The following EEF2KMT variants were observed in gnomAD, a reference collection of about 807,000 sequenced individuals.
EEF2KMT encodes eukaryotic elongation factor 2 lysine methyltransferase, also known as protein-lysine N-methyltransferase EEF2KMT.
Under a neutral mutation model 35.1 loss-of-function variants are expected in EEF2KMT, and 30 were observed. The observed-to-expected ratio is 0.85, with a 90% CI of 0.64 to 1.16. EEF2KMT has a LOEUF of 1.16. Ranked by LOEUF, EEF2KMT falls within the 50% of genes most tolerant of loss-of-function variation. The pLI, the probability that EEF2KMT is intolerant of heterozygous loss-of-function variation, is 0.00. For missense variants in EEF2KMT, 499 were observed against 438.2 expected (o/e 1.14, Z -1.24); for synonymous variants, 190 against 187.7 (o/e 1.01, Z -0.10).
Position 5,097,751 on chromosome 16 carries a change from G to T in EEF2KMT, c.-12C>A, listed in dbSNP as rs572933292. The T allele has an allele frequency of 3.2e-6, 5 of 1,551,384 alleles. No individual in the cohort carries two copies. The highest frequency in any genetic ancestry group is 4.3e-6 in the Non-Finnish European group (5 of 1,154,344). The stretch of plus-strand genomic sequence containing the variant: ...TCCTCGGGCGCCATGACGTGGGCGG[G>T]GCCGCAGCGTTGCCGGCAGACCGGG... On this transcript the variant is annotated 5_prime_UTR_variant, in exon 1 of 8. Coordinates refer to ENST00000427587, the MANE Select transcript of EEF2KMT (RefSeq NM_201400.4).
chr16:5,088,266 G>C (rs1302514329), intron 7 of EEF2KMT, among the ~76,000 whole-genome samples: 1 of 150,882 alleles, frequency 6.6e-6, no homozygotes, highest in Non-Finnish European at 1.5e-5. Context: ...GTTGTGGGGG[G>C]ACTCTGTCGT....
At chr16:5,089,000 T>C in intron 7 of EEF2KMT, 107 bp downstream of exon 7, 1 of 1,595,492 alleles carries the variant, frequency 6.3e-7, no homozygotes, top group African/African-American at 1.3e-5. Context: ...GGTGTGGGAG[T>C]GTGGGGCAAC....
Position 5,089,092 on chromosome 16 carries a change from G to A in EEF2KMT, c.892+15C>T, listed in dbSNP as rs759187495. On this transcript the variant is annotated intron_variant, in intron 7 of 7. Transcript: ENST00000427587. ...CTCAGGGACCATGCAGGCCCGGGTGGGCGTGGAGGCTCACCTAGCTCGGTG... is the reference window on the plus strand; with the variant it reads ...CTCAGGGACCATGCAGGCCCGGGTGAGCGTGGAGGCTCACCTAGCTCGGTG... 2 of 1,612,232 alleles carry A rather than the reference G, an allele frequency of 1.2e-6. No homozygotes were observed. The highest frequency in any genetic ancestry group is 1.1e-5 in the South Asian group (1 of 91,024).
intron 6 of EEF2KMT, chr16:5,089,519 G>A (rs569890832): frequency 8.2e-4 from 469 of 570,712 alleles, no homozygotes; most frequent in Non-Finnish European, 1.3e-3. Context: ...CTGGTTCTTG[G>A]CCTATCTAGA....
chr16:5,084,870 A>C lies in EEF2KMT; in HGVS notation c.*762T>G. 1 of 1,595,496 alleles carries C rather than the reference A, an allele frequency of 6.3e-7. No homozygotes were observed. Among genetic ancestry groups the C allele is most frequent in the South Asian group, 1.1e-5 (1 of 90,968 alleles). On this transcript the variant is annotated 3_prime_UTR_variant, in exon 8 of 8. Coordinates refer to ENST00000427587, the MANE Select transcript of EEF2KMT (RefSeq NM_201400.4). ...GGTGCAGACTGTGCTCCCTTTGGTT[A>C]TGGACACATAACTCCTGGGCCAGAG...
rs115226888 is a variant in EEF2KMT, at chr16:5,091,591, C to G, written c.342+203G>C. On this transcript the variant is annotated intron_variant, in intron 4 of 7. Coordinates refer to ENST00000427587, the MANE Select transcript of EEF2KMT (RefSeq NM_201400.4). ...TGTGTGTCACCTATTGGATAAGTGC[C>G]CAACAACTCCACGAGACATGCTGTT... Among the ~76,000 whole-genome samples, 780 of 152,282 alleles carry G rather than the reference C, an allele frequency of 5.1e-3. 7 individuals carry two copies. Among genetic ancestry groups the G allele is most frequent in the African/African-American group, 0.018 (745 of 41,540 alleles).
chr16:5,093,649 C>T (rs1015155345), intron 2 of EEF2KMT, 85 bp from the exon 3 acceptor site: 40 of 1,591,672 alleles, frequency 2.5e-5, no homozygotes, highest in Non-Finnish European at 3.3e-5. Flanking sequence ...AGAGGGCAAA[C>T]TCCAGGCTAC....
intron 2 of EEF2KMT, among the ~76,000 whole-genome samples, chr16:5,094,896 A>T (rs1216451287): frequency 1.3e-5 from 2 of 152,132 alleles, no homozygotes; most frequent in Non-Finnish European, 2.9e-5. Flanking sequence ...TGGTCTTTTC[A>T]GAAGGGCTCA....
At chr16:5,091,553 G>A (rs183047223) in intron 4 of EEF2KMT, among the ~76,000 whole-genome samples, 181 of 152,372 alleles carry the variant, frequency 1.2e-3, no homozygotes, top group African/African-American at 4.2e-3. Context: ...CCAGGTCCTT[G>A]TGAAGCAGGT....
Position 5,090,649 on chromosome 16 carries a change from A to C in EEF2KMT, c.343-84T>G. ...GACAAGTAGCCCCACCACATGGCTG[A>C]ATAAACCATGACAGGACCAATCGCC... On this transcript the variant is annotated intron_variant, in intron 4 of 7. Coordinates refer to ENST00000427587, the MANE Select transcript of EEF2KMT (RefSeq NM_201400.4). The surrounding 1 kb of genome is among the most constrained non-coding windows in gnomAD (Gnocchi z 4.1). 1.3e-6 allele frequency: 2 copies of C among 1,569,594 alleles called. No homozygotes were observed. The highest frequency in any genetic ancestry group is 1.7e-5 in the Admixed American group (1 of 58,508).
intron 1 of EEF2KMT, chr16:5,097,175 C>T: frequency 1.4e-6 from 1 of 709,246 alleles, no homozygotes; most frequent in Non-Finnish European, 1.9e-6. Flanking sequence ...GTGACAGCCT[C>T]AGAGCATGAG....
In EEF2KMT at chr16:5,085,695, A is replaced by C. The variant is rs1301894696; in HGVS notation, c.930T>G (p.His310Gln). 6.2e-7 allele frequency: 1 copy of C among 1,611,798 alleles called. No individual in the cohort carries two copies. The highest frequency in any genetic ancestry group is 1.1e-5 in the South Asian group (1 of 90,998). Residue 310 changes from histidine (H) to glutamine (Q), a missense_variant, in exon 8 of 8, where the codon CAT becomes CAG. By Grantham distance (24) the His-to-Gln change is conservative (BLOSUM62 0). Coordinates refer to ENST00000427587, the MANE Select transcript of EEF2KMT (RefSeq NM_201400.4). ...CTTCGTAGGGAAACAGTTTCTGCTC[A>C]TGACGAGGTTCCACTTCCCATCTGA... ...AGIRWEVEPR[H>Q]EQKLFPYEEH...
intron 2 of EEF2KMT, among the ~76,000 whole-genome samples, chr16:5,094,971 C>A (rs999955734): frequency 6.6e-6 from 1 of 152,214 alleles, no homozygotes; most frequent in African/African-American, 2.4e-5. Flanking sequence ...AGGCCAAGGT[C>A]AGGCTGTGGC....
chr16:5,097,373 T>G (rs948992517), intron 1 of EEF2KMT: 4 of 1,480,310 alleles, frequency 2.7e-6, no homozygotes, highest in Admixed American at 2.1e-5. Context: ...GTCGTGAAAA[T>G]GATCGTGAAC....
chr16:5,086,362 CCACACACACACCCACA>C, intron 7 of EEF2KMT: 1 of 152,138 alleles, frequency 6.6e-6, no homozygotes, highest in South Asian at 2.1e-4. Context: ...ACCACACGCA[CCACACACACACCCACA>C]CACACACACA....
In EEF2KMT at chr16:5,084,371, T is replaced by C; in HGVS notation, c.*1261A>G. The C allele has an allele frequency of 2.4e-6, 1 of 412,698 alleles. No individual in the cohort carries two copies. The highest frequency in any genetic ancestry group is 4.6e-6 in the Non-Finnish European group (1 of 219,490). 25.6% of individuals were successfully genotyped at this position (412,698 alleles called of 1,614,324 possible). On this transcript the variant is annotated 3_prime_UTR_variant, in exon 8 of 8. Coordinates refer to ENST00000427587, the MANE Select transcript of EEF2KMT (RefSeq NM_201400.4). ...TGGATTTGGCCTGCAGGCTGTAGTTTGTGATCCTTGATTCAGACAGTTTAG... is the reference window on the plus strand; with the variant it reads ...TGGATTTGGCCTGCAGGCTGTAGTTCGTGATCCTTGATTCAGACAGTTTAG...
intron 1 of EEF2KMT, chr16:5,097,431 C>A (rs1323388749): frequency 7.1e-7 from 1 of 1,406,476 alleles, no homozygotes; most frequent in African/African-American, 1.5e-5. Flanking sequence ...TGTGGAGACG[C>A]CCCCAGCTTC....
intron 4 of EEF2KMT, 107 bp downstream of exon 4, chr16:5,091,687 A>G: frequency 6.5e-7 from 1 of 1,544,210 alleles, no homozygotes; most frequent in Non-Finnish European, 8.7e-7. Flanking sequence ...CATGTCTAAG[A>G]CTGTAGAATG....
intron 3 of EEF2KMT, among the ~76,000 whole-genome samples, chr16:5,092,890 G>C (rs1256658709): frequency 1.3e-5 from 2 of 152,194 alleles, no homozygotes; most frequent in Non-Finnish European, 2.9e-5. Context: ...AACCCAGGAG[G>C]CAGAGGTTTC....
Sources: allele counts gnomAD v4.1 joint callset (sites outside exome capture counted in the v4.1 genomes callset), GRCh38; gene constraint gnomAD v4.1.1; non-coding constraint Gnocchi (gnomAD v3.1); transcripts MANE v1.5; gene names NCBI Gene and HGNC (gene_info 2026-07-23, HGNC 2026-07-21).